WDR41: variants seen among roughly 807,000 people sequenced by gnomAD.
WDR41 encodes the protein WD repeat-containing protein 41.
In WDR41, 63 loss-of-function variants were observed where a neutral mutation model predicts 69.3. The ratio of observed to expected loss-of-function variants is 0.91; its 90% CI spans 0.74 to 1.12. The LOEUF (loss-of-function observed/expected upper bound fraction) is 1.12, where lower values mean the gene tolerates loss of function less well. Among genes scored for constraint, WDR41 ranks in the 50% most tolerant of loss-of-function variants. The probability of loss-of-function intolerance (pLI) is 0.00; values close to 1 mark genes in which losing one functional copy is unlikely to be tolerated. For synonymous variants in WDR41, 185 were observed against 192.1 expected, an observed-to-expected ratio of 0.96 and a Z score of 0.31; for missense variants, 543 against 534.5, an observed-to-expected ratio of 1.02 and a Z score of -0.16.
chr5:77,549,098 T>C lies in WDR41; in HGVS notation c.43-59526A>G, dbSNP rs913483791. Among the ~76,000 whole-genome samples the C allele has an allele frequency of 5.2e-5, 7 of 134,042 alleles. No homozygotes were observed. In the Admixed American group the frequency reaches 5.7e-4, roughly 11 times the overall value. The allele number at this position is 134,042 out of a possible 152,430, so 87.9% of individuals were successfully genotyped here. A position where few individuals can be genotyped will look rare whatever the true frequency, so the allele number is the denominator to read the frequency against. ...GCTAAGCTATGAGGATGCAAAGGAATAAGAATGACACAATGGACTTTGGGG... is the reference window on the plus strand; with the variant it reads ...GCTAAGCTATGAGGATGCAAAGGAACAAGAATGACACAATGGACTTTGGGG... On this transcript the variant is annotated intron_variant, in intron 1 of 5. Coordinates refer to the WDR41 transcript ENST00000509971.
At chr5:77,536,373 A>G (rs1742981787) in intron 1 of WDR41, among the ~76,000 whole-genome samples, 1 of 152,006 alleles carries the variant, frequency 6.6e-6, no homozygotes, top group South Asian at 2.1e-4. Flanking sequence ...TAAATGAAAC[A>G]AGGACTCTCA....
intron 1 of WDR41, 60 bp from the exon 2 acceptor site, chr5:77,489,632 T>C: frequency 9.3e-7 from 1 of 1,076,430 alleles, no homozygotes; most frequent in Non-Finnish European, 1.4e-6. Flanking sequence ...ATAAAATGAT[T>C]TGTAAGACCA....
At chr5:77,574,842 C>T (rs1398157760) in intron 1 of WDR41, among the ~76,000 whole-genome samples, 2 of 152,102 alleles carry the variant, frequency 1.3e-5, no homozygotes, top group Admixed American at 6.6e-5. Context: ...TTCTCCTTGT[C>T]GTAGTTGAAA....
chr5:77,606,012 CAAAG>C (rs1190593058), intron 1 of WDR41, among the ~76,000 whole-genome samples: 2 of 151,990 alleles, frequency 1.3e-5, no homozygotes, highest in South Asian at 2.1e-4. Flanking sequence ...GGTCAAAGAA[CAAAG>C]AAAGAAGTCA....
chr5:77,600,927 GTA>G (rs368168931), intron 1 of WDR41, among the ~76,000 whole-genome samples: 31 of 131,840 alleles, frequency 2.4e-4, no homozygotes, highest in South Asian at 9.6e-4. Flanking sequence ...AACTCTGTGT[GTA>G]TGTGTGTGTG....
chr5:77,619,700 T>G (rs1369629484), intron 1 of WDR41, among the ~76,000 whole-genome samples: 1 of 152,182 alleles, frequency 6.6e-6, no homozygotes, highest in Non-Finnish European at 1.5e-5. Flanking sequence ...ACCCTGGGAA[T>G]TTTAAAGCAG....
At position 77,584,674 on chromosome 5, in the gene WDR41, T is replaced by C. The variant is rs556476780; in HGVS notation, c.42+35805A>G. 3.9e-5 allele frequency among the ~76,000 whole-genome samples: 6 copies of C among 152,184 alleles called. No individual in the cohort carries two copies. The East Asian group carries it at 1.2e-3, about 29-fold the overall frequency. ...CTGGGATAATTAGCAAGCCAAATACTTACAGACAACTGATCTTCAAAAAAG... is the reference window on the plus strand; with the variant it reads ...CTGGGATAATTAGCAAGCCAAATACCTACAGACAACTGATCTTCAAAAAAG... On this transcript the variant is annotated intron_variant, in intron 1 of 5. Coordinates refer to the WDR41 transcript ENST00000509971.
intron 1 of WDR41, among the ~76,000 whole-genome samples, chr5:77,598,755 G>C (rs1256083650): frequency 6.7e-6 from 1 of 149,940 alleles, no homozygotes; most frequent in Non-Finnish European, 1.5e-5. Flanking sequence ...GCTCAACCTA[G>C]ATTTGCACAG....
chr5:77,499,364 C>T (rs1225100313), intron 1 of WDR41: 1 of 152,214 alleles, frequency 6.6e-6, no homozygotes, highest in Non-Finnish European at 1.5e-5. Flanking sequence ...AGAGGAACTC[C>T]CAAAGCTTAG....
At chr5:77,449,711 T>G (rs745883415) in intron 8 of WDR41, 49 bp downstream of exon 8, 1 of 1,287,168 alleles carries the variant, frequency 7.8e-7, no homozygotes, top group Non-Finnish European at 1.1e-6. Context: ...GAGCAGGTTG[T>G]GTTAACAAGC....
intron 1 of WDR41, among the ~76,000 whole-genome samples, chr5:77,562,028 T>G (rs1743536096): frequency 6.6e-6 from 1 of 152,234 alleles, no homozygotes; most frequent in Non-Finnish European, 1.5e-5. Flanking sequence ...TAACATGAAA[T>G]GTTTGTCACC....
chr5:77,514,727 T>C (rs756813578), intron 1 of WDR41, among the ~76,000 whole-genome samples: 6 of 152,192 alleles, frequency 3.9e-5, no homozygotes, highest in Non-Finnish European at 8.8e-5. Flanking sequence ...TATAGTCTAC[T>C]ACACACCTAG....
chr5:77,508,294 G>A (rs1802144120), intron 1 of WDR41, among the ~76,000 whole-genome samples: 1 of 151,860 alleles, frequency 6.6e-6, no homozygotes, highest in Non-Finnish European at 1.5e-5. Context: ...CTAATTTTTT[G>A]TAGCGACAGG....
In WDR41 at chr5:77,440,880, T is replaced by G. The variant is rs1223668447; in HGVS notation, c.815A>C (p.Gln272Pro). The G allele has an allele frequency of 1.2e-6, 2 of 1,614,092 alleles. No homozygotes were observed. The highest frequency in any genetic ancestry group is 1.7e-6 in the Non-Finnish European group (2 of 1,180,038). ...FWDPSPQLDT[Q>P]QEIKLCQKSN... ...TTTTTGACAGAGTTTTATTTCTTGT[T>G]GGGTGTCCAGTTGTGGAGATGGGTC... The change falls in exon 9 of 13, where the codon CAA (glutamine) becomes CCA (proline). Residue 272 changes from glutamine to proline, a missense_variant. Physicochemically the swap from Gln to Pro is moderately conservative, Grantham distance 76 (BLOSUM62 -1). Coordinates refer to ENST00000296679, the MANE Select transcript of WDR41 (RefSeq NM_018268.4).
intron 8 of WDR41, among the ~76,000 whole-genome samples, chr5:77,446,898 G>T (rs568973062): frequency 6.6e-6 from 1 of 152,318 alleles, no homozygotes; most frequent in African/African-American, 2.4e-5. Flanking sequence ...AAAAGCAACT[G>T]CAACAAAAGC....
chr5:77,548,577 G>C (rs1743240945), intron 1 of WDR41, among the ~76,000 whole-genome samples: 1 of 152,182 alleles, frequency 6.6e-6, no homozygotes, highest in Non-Finnish European at 1.5e-5. Flanking sequence ...ACCACAATGT[G>C]ATACCATCTT....
intron 2 of WDR41, among the ~76,000 whole-genome samples, chr5:77,470,545 G>A (rs1426420726): frequency 7.3e-5 from 11 of 151,686 alleles, no homozygotes; most frequent in African/African-American, 1.5e-4. Context: ...TCTCATGCAC[G>A]GAGACACACA....
chr5:77,555,377 C>T (rs139306550), intron 1 of WDR41, among the ~76,000 whole-genome samples: 3,275 of 152,264 alleles, frequency 0.022, 118 homozygotes, highest in African/African-American at 0.074. Flanking sequence ...GGCATGATCA[C>T]GGCTCACTGC....
intron 2 of WDR41, among the ~76,000 whole-genome samples, chr5:77,471,730 G>T (rs1800624169): frequency 6.6e-6 from 1 of 152,130 alleles, no homozygotes; most frequent in Non-Finnish European, 1.5e-5. Flanking sequence ...AAACCAGGAA[G>T]AAGCTGAATC....
Sources: allele counts gnomAD v4.1 joint callset (sites outside exome capture counted in the v4.1 genomes callset), GRCh38; gene constraint gnomAD v4.1.1; transcripts MANE v1.5; gene names NCBI Gene and HGNC (gene_info 2026-07-23, HGNC 2026-07-21).